Variants in SEC14L5 observed in about 807,000 individuals in gnomAD.
SEC14L5 encodes SEC14-like protein 5.
In SEC14L5, 96 loss-of-function variants were observed where a neutral mutation model predicts 84.6. The observed-to-expected ratio is 1.13, with a 90% CI of 0.96 to 1.34. SEC14L5 has a LOEUF of 1.34. SEC14L5 is among the 40% of genes most tolerant of loss of function. SEC14L5 has a pLI of 0.00. For synonymous variants in SEC14L5, 546 were observed against 383.4 expected, an observed-to-expected ratio of 1.42 and a Z score of -4.95; for missense variants, 1,224 against 942.5, an observed-to-expected ratio of 1.30 and a Z score of -3.91.
intron 2 of SEC14L5, among the ~76,000 whole-genome samples, chr16:4,959,959 C>T (rs1955099993): frequency 6.6e-6 from 1 of 152,156 alleles, no homozygotes; most frequent in South Asian, 2.1e-4. Context: ...TCCTTCTGCT[C>T]ACAGACCCCC....
chr16:4,972,449 C>A (rs1955291160), intron 2 of SEC14L5, among the ~76,000 whole-genome samples: 1 of 152,238 alleles, frequency 6.6e-6, no homozygotes, highest in Admixed American at 6.5e-5. Flanking sequence ...CCTTCATCAT[C>A]CCAAACCGGA....
chr16:4,985,459 C>G (rs963578443), intron 2 of SEC14L5, among the ~76,000 whole-genome samples: 1 of 152,122 alleles, frequency 6.6e-6, no homozygotes, highest in Non-Finnish European at 1.5e-5. Context: ...AGCTCCTGAC[C>G]TTCGGTGATC....
chr16:5,008,557 G>T lies in SEC14L5; in HGVS notation c.1709G>T (p.Ser570Ile). The stretch of plus-strand genomic sequence containing the variant: ...GCCCGGGAACCGGGGACCAGGGCCA[G>T]CGGGCAGCTGATCGACAAAGGCTGG... ...LGAREPGTRASGQLIDKGWVL... is the reference protein window; with the variant it reads ...LGAREPGTRAIGQLIDKGWVL... The change falls in exon 14 of 16, where the codon AGC becomes ATC. Residue 570 changes from serine to isoleucine, a missense_variant. By Grantham distance (142) the Ser-to-Ile change is moderately radical (BLOSUM62 -2). Coordinates refer to ENST00000251170, the MANE Select transcript of SEC14L5 (RefSeq NM_014692.2). 6.2e-7 allele frequency: 1 copy of T among 1,608,834 alleles called. No individual in the cohort carries two copies. The highest frequency in any genetic ancestry group is 8.5e-7 in the Non-Finnish European group (1 of 1,178,122).
chr16:4,985,246 A>T (rs916495023), intron 2 of SEC14L5, among the ~76,000 whole-genome samples: 2 of 151,928 alleles, frequency 1.3e-5, no homozygotes, highest in African/African-American at 4.8e-5. Context: ...TTTTTTTGAG[A>T]TGGAGTTTTG....
intron 11 of SEC14L5, 49 bp from the exon 12 acceptor site, chr16:5,005,865 A>AAAAG (rs1955725042): frequency 2.6e-6 from 1 of 377,360 alleles, no homozygotes; most frequent in South Asian, 1.0e-4. Context: ...CTCCGTCTCA[A>AAAAG]AAAAAAAAAA....
chr16:4,992,098 C>G (rs1428087616), intron 6 of SEC14L5, 68 bp downstream of exon 6: 1 of 1,148,126 alleles, frequency 8.7e-7, no homozygotes, highest in Admixed American at 2.9e-5. Flanking sequence ...CCATGGGGGG[C>G]CCTGGGGCAT....
Position 4,987,497 on chromosome 16 carries a change from T to TGGGCGGCG in SEC14L5, c.64-57_64-56insCGGCGGGG, listed in dbSNP as rs752674745. On this transcript the variant is annotated intron_variant, in intron 2 of 15. Transcript: ENST00000251170. ...GACACAGCAGATAAGGAGGTCGCGC[T>TGGGCGGCG]GGGGGGGGGGGTCCCTCTGCCCCCC... 7.1e-4 allele frequency: 809 copies of TGGGCGGCG among 1,142,388 alleles called. 4 individuals carry two copies. The African/African-American group carries it at 0.013, about 19-fold the overall frequency. The allele number at this position is 1,142,388 out of a possible 1,614,324, so 70.8% of individuals were successfully genotyped here.
chr16:4,963,843 T>C (rs1434511991), intron 2 of SEC14L5, among the ~76,000 whole-genome samples: 1 of 151,890 alleles, frequency 6.6e-6, no homozygotes, highest in Non-Finnish European at 1.5e-5. Flanking sequence ...TAAATTCTAC[T>C]ATATAAAAAT....
Position 4,990,797 on chromosome 16 carries a change from T to A in SEC14L5, c.376T>A (p.Phe126Ile). Reference protein sequence around the residue: ...VHPENEDWTCFEQSASLDIRS... With the variant: ...VHPENEDWTCIEQSASLDIRS... ...CCCTGAGAATGAAGACTGGACTTGCTTCGAGCAGTCTGCCTCACTGGACAT... is the reference window on the plus strand; with the variant it reads ...CCCTGAGAATGAAGACTGGACTTGCATCGAGCAGTCTGCCTCACTGGACAT... The change falls in exon 5 of 16, where the codon TTC (phenylalanine) becomes ATC (isoleucine). Residue 126 changes from phenylalanine (F) to isoleucine (I), a missense_variant. Phe to Ile is a conservative substitution (Grantham distance 21). Coordinates refer to ENST00000251170, the MANE Select transcript of SEC14L5 (RefSeq NM_014692.2). 1.2e-6 allele frequency: 2 copies of A among 1,611,966 alleles called. No individual in the cohort carries two copies. The highest frequency in any genetic ancestry group is 1.7e-6 in the Non-Finnish European group (2 of 1,178,930).
At chr16:5,012,787 C>T (rs1387671166) in intron 15 of SEC14L5, among the ~76,000 whole-genome samples, 1 of 152,066 alleles carries the variant, frequency 6.6e-6, no homozygotes, top group African/African-American at 2.4e-5. Flanking sequence ...CCCAGCTACT[C>T]AGGAGGCTGA....
chr16:4,994,157 A>G (rs1231679038), intron 6 of SEC14L5, among the ~76,000 whole-genome samples: 1 of 152,152 alleles, frequency 6.6e-6, no homozygotes, highest in African/African-American at 2.4e-5. Context: ...ATCCTAGGAT[A>G]CAAATTGTAT....
chr16:4,964,283 C>A (rs1251758765), intron 2 of SEC14L5, among the ~76,000 whole-genome samples: 1 of 152,066 alleles, frequency 6.6e-6, no homozygotes, highest in African/African-American at 2.4e-5. Flanking sequence ...TGTCTCTTTT[C>A]TCAAGTGGGT....
chr16:4,965,658 C>G (rs570247293), intron 2 of SEC14L5, among the ~76,000 whole-genome samples: 1 of 36,118 alleles, frequency 2.8e-5, no homozygotes, highest in Non-Finnish European at 4.9e-5. Context: ...AAGACTCCAT[C>G]TCAAAAAAAA....
chr16:4,993,071 C>T (rs1180543214), intron 6 of SEC14L5, among the ~76,000 whole-genome samples: 2 of 151,906 alleles, frequency 1.3e-5, no homozygotes. Context: ...GAGACAGGGT[C>T]TTGCTCTGTT....
At chr16:4,998,312 T>C (rs1955635698) in intron 8 of SEC14L5, among the ~76,000 whole-genome samples, 1 of 150,414 alleles carries the variant, frequency 6.6e-6, no homozygotes, top group Admixed American at 6.7e-5. Flanking sequence ...CAGGCATGGG[T>C]CACATTTTAA....
chr16:5,011,583 C>A (rs575696908), intron 15 of SEC14L5, among the ~76,000 whole-genome samples: 3 of 152,146 alleles, frequency 2.0e-5, no homozygotes, highest in Admixed American at 6.5e-5. Context: ...GTGGGCTTCC[C>A]CTCACTCCTA....
chr16:5,012,056 C>T (rs1177769066), intron 15 of SEC14L5, among the ~76,000 whole-genome samples: 1 of 152,200 alleles, frequency 6.6e-6, no homozygotes, highest in African/African-American at 2.4e-5. Flanking sequence ...GGTGCTGAGT[C>T]TAGACCTCAA....
At chr16:5,003,343 G>T (rs1955696633) in intron 10 of SEC14L5, 59 bp from the exon 11 acceptor site, 3 of 1,347,090 alleles carry the variant, frequency 2.2e-6, no homozygotes, top group Non-Finnish European at 3.2e-6. Context: ...TGTGGGGAGG[G>T]TGTTGGTGGC....
In SEC14L5 at chr16:5,017,678, A is replaced by G. The variant is rs1042144526; in HGVS notation, c.*2708A>G. ...AGCCGCAGCAGGATTGGGGAGGGCC[A>G]TTCCCCCAATGGACAAGAGAAGCTG... is the stretch of plus-strand genomic sequence containing the variant. On this transcript the variant is annotated 3_prime_UTR_variant, in exon 16 of 16. Transcript: ENST00000251170. The G allele has an allele frequency of 1.3e-5, 2 of 152,194 alleles. No homozygotes were observed. The highest frequency in any genetic ancestry group is 2.9e-5 in the Non-Finnish European group (2 of 68,058). The allele number at this position is 152,194 out of a possible 1,614,324, so 9.4% of individuals were successfully genotyped here. A position where few individuals can be genotyped will look rare whatever the true frequency, so the allele number is the denominator to read the frequency against.
Sources: allele counts gnomAD v4.1 joint callset (sites outside exome capture counted in the v4.1 genomes callset), GRCh38; gene constraint gnomAD v4.1.1; transcripts MANE v1.5; gene names NCBI Gene and HGNC (gene_info 2026-07-23, HGNC 2026-07-21).